CAPN8: variants seen among roughly 807,000 people sequenced by gnomAD.
CAPN8 encodes the protein calpain-8.
A neutral mutation model predicts 80.9 loss-of-function variants in CAPN8; 87 were observed. The observed-to-expected ratio is 1.07, with a 90% CI of 0.90 to 1.28. The LOEUF (loss-of-function observed/expected upper bound fraction) is 1.28, where lower values mean the gene tolerates loss of function less well. Ranked by LOEUF, CAPN8 falls within the 50% of genes most tolerant of loss-of-function variation. The pLI, the probability that CAPN8 is intolerant of heterozygous loss-of-function variation, is 0.00. For missense variants in CAPN8, 757 were observed against 702.0 expected (o/e 1.08, Z -0.89); for synonymous variants, 299 against 273.8 (o/e 1.09, Z -0.91).
At chr1:223,638,520 G>A (rs1412038153) in intron 2 of CAPN8, among the ~76,000 whole-genome samples, 1 of 152,202 alleles carries the variant, frequency 6.6e-6, no homozygotes, top group African/African-American at 2.4e-5. Flanking sequence ...GGGTAAGCCA[G>A]CTTCTCTCTC....
intron 2 of CAPN8, 182 bp from the exon 3 acceptor site, chr1:223,628,962 G>C (rs1657688944): frequency 3.4e-6 from 2 of 583,448 alleles, no homozygotes; most frequent in Non-Finnish European, 6.1e-6. Flanking sequence ...GCCTCCTTGG[G>C]ATTTGTTTAC....
In CAPN8 at chr1:223,541,636, T is replaced by C. The variant is rs1041651506; in HGVS notation, c.*200A>G. The C allele has an allele frequency of 1.4e-6, 1 of 689,686 alleles. No homozygotes were observed. The highest frequency in any genetic ancestry group is 2.5e-6 in the Non-Finnish European group (1 of 398,852). The allele number at this position is 689,686 out of a possible 1,614,324, so 42.7% of individuals were successfully genotyped here. ...AACCATTCTGGCTCACAACTTTAAT[T>C]GATTGCTTTCCCTCCACTGGGCCCA... On this transcript the variant is annotated 3_prime_UTR_variant, in exon 21 of 21. Coordinates refer to ENST00000366872, the MANE Select transcript of CAPN8 (RefSeq NM_001143962.2).
chr1:223,660,683 C>T (rs73127629), intron 1 of CAPN8, among the ~76,000 whole-genome samples: 1 of 152,306 alleles, frequency 6.6e-6, no homozygotes, highest in African/African-American at 2.4e-5. Context: ...AGGACAAAAA[C>T]ATGTGTACAT....
chr1:223,638,655 C>T (rs1039312657), intron 2 of CAPN8, among the ~76,000 whole-genome samples: 3 of 152,114 alleles, frequency 2.0e-5, no homozygotes, highest in African/African-American at 7.2e-5. Context: ...TAGGCAGGGG[C>T]TTCTGCTGAC....
intron 13 of CAPN8, among the ~76,000 whole-genome samples, chr1:223,556,191 C>T (rs1024735668): frequency 1.3e-3 from 195 of 152,208 alleles, no homozygotes; most frequent in African/African-American, 4.4e-3. Context: ...TCCAACTGTC[C>T]GTGACTTGGA....
At chr1:223,553,015 C>T (rs963637928) in intron 14 of CAPN8, among the ~76,000 whole-genome samples, 42 of 152,188 alleles carry the variant, frequency 2.8e-4, no homozygotes, top group South Asian at 1.0e-3. Context: ...TTATTTCCTG[C>T]AAGGGATTCT....
intron 2 of CAPN8, among the ~76,000 whole-genome samples, chr1:223,650,298 G>A (rs1418674379): frequency 6.6e-6 from 1 of 152,124 alleles, no homozygotes; most frequent in Non-Finnish European, 1.5e-5. Context: ...TCTGCCCAGA[G>A]CCATGGCCAT....
intron 13 of CAPN8, among the ~76,000 whole-genome samples, chr1:223,555,899 G>A (rs1288601904): frequency 6.6e-6 from 1 of 152,184 alleles, no homozygotes; most frequent in South Asian, 2.1e-4. Flanking sequence ...CAGAACCTGC[G>A]TGTGAATGCA....
intron 2 of CAPN8, among the ~76,000 whole-genome samples, chr1:223,639,637 C>G (rs954751763): frequency 6.6e-6 from 1 of 152,252 alleles, no homozygotes; most frequent in South Asian, 2.1e-4. Flanking sequence ...TAAAAGCCCA[C>G]GCTGCTGCAG....
chr1:223,622,960 A>G, intron 6 of CAPN8, 60 bp from the exon 7 acceptor site: 1 of 1,345,562 alleles, frequency 7.4e-7, no homozygotes, highest in Non-Finnish European at 1.0e-6. Flanking sequence ...CCTTGCAGGC[A>G]TGTCTGCACC....
intron 2 of CAPN8, among the ~76,000 whole-genome samples, chr1:223,634,207 G>A (rs1321944682): frequency 1.3e-5 from 2 of 152,166 alleles, no homozygotes; most frequent in Non-Finnish European, 2.9e-5. Flanking sequence ...TATTGCAGAG[G>A]TTGTGGGGTG....
chr1:223,619,887 T>C (rs35600877), intron 8 of CAPN8, among the ~76,000 whole-genome samples: 63,527 of 152,030 alleles, frequency 0.42, 13,442 homozygotes, highest in South Asian at 0.43. Flanking sequence ...TCTCCCATAT[T>C]GATGGTAGGT....
chr1:223,655,878 C>T (rs543006929), intron 1 of CAPN8, among the ~76,000 whole-genome samples: 38 of 152,264 alleles, frequency 2.5e-4, no homozygotes, highest in Admixed American at 2.1e-3. Context: ...TACATTTAAT[C>T]GGTGGCATCC....
In CAPN8 at chr1:223,609,205, T is replaced by C. The variant is rs1572227506; in HGVS notation, c.1483A>G (p.Lys495Glu). Residue 495 changes from lysine (K) to glutamate (E), a missense_variant, in exon 12 of 21, where the codon AAA becomes GAA. Physicochemically the swap from Lys to Glu is moderately conservative, Grantham distance 56 (BLOSUM62 1). Transcript: ENST00000366872. ...ACTCTCAAGCAGAACTCGCCGTCTT[T>C]GAAGGGTTCAAATGTGGATGGCACC... ...LVVPSTFEPF[K>E]DGEFCLRVFS... 2.5e-6 allele frequency: 1 copy of C among 398,378 alleles called. No individual in the cohort carries two copies. The allele number at this position is 398,378 out of a possible 1,614,324, so 24.7% of individuals were successfully genotyped here.
intron 11 of CAPN8, among the ~76,000 whole-genome samples, chr1:223,611,308 C>T (rs1358500724): frequency 6.6e-6 from 1 of 152,216 alleles, no homozygotes; most frequent in African/African-American, 2.4e-5. Flanking sequence ...TGAGACATAC[C>T]CACCAGTGTG....
intron 7 of CAPN8, chr1:223,622,488 T>C (rs1483502613): frequency 6.1e-6 from 2 of 327,724 alleles, no homozygotes; most frequent in Non-Finnish European, 1.1e-5. Context: ...AGAAACAGAC[T>C]GTGAGTGATC....
rs558716860 is a variant in CAPN8, at chr1:223,615,862, G to A, written c.1311+108C>T. 217 of 1,379,940 alleles carry A rather than the reference G, an allele frequency of 1.6e-4. No individual in the cohort carries two copies. The African/African-American group carries it at 2.8e-3, about 18-fold the overall frequency. 85.5% of individuals were successfully genotyped at this position (1,379,940 alleles called of 1,614,324 possible). ...ATATAGAGGAGCAAGGACGCTTCTC[G>A]ATTAGGAATACTCCAGCAATAGGAA... On this transcript the variant is annotated intron_variant, in intron 10 of 20. Coordinates refer to ENST00000366872, the MANE Select transcript of CAPN8 (RefSeq NM_001143962.2).
chr1:223,623,998 GAAAAA>G (rs71702521), intron 6 of CAPN8, among the ~76,000 whole-genome samples: 9,329 of 132,250 alleles, frequency 0.071, 336 homozygotes, highest in African/African-American at 0.1. Flanking sequence ...GACTCCACCT[GAAAAA>G]AAAAAAAAAG....
chr1:223,543,164 G>T lies in CAPN8; in HGVS notation c.2032C>A (p.Leu678Ile), dbSNP rs997299499. Residue 678 changes from leucine to isoleucine, a missense_variant and splice_region_variant, in exon 20 of 21, where the codon CTA becomes ATA. Physicochemically the swap from Leu to Ile is conservative, Grantham distance 5 (BLOSUM62 2). Coordinates refer to ENST00000366872, the MANE Select transcript of CAPN8 (RefSeq NM_001143962.2). Reference sequence around the variant, plus strand: ...TTGTCTTCGTCCAGAAGGCTGAATAGTTCTAAAACACCAGAGAAGGAAATG... The same window carrying T: ...TTGTCTTCGTCCAGAAGGCTGAATATTTCTAAAACACCAGAGAAGGAAATG... ...CMIRLETLFK[L>I]FSLLDEDKDG... 1 of 1,551,636 alleles carries T rather than the reference G, an allele frequency of 6.4e-7. No individual in the cohort carries two copies. The highest frequency in any genetic ancestry group is 8.7e-7 in the Non-Finnish European group (1 of 1,146,948).
Sources: allele counts gnomAD v4.1 joint callset (sites outside exome capture counted in the v4.1 genomes callset), GRCh38; gene constraint gnomAD v4.1.1; transcripts MANE v1.5; gene names NCBI Gene and HGNC (gene_info 2026-07-23, HGNC 2026-07-21).